Variants in SCAF1 observed in about 807,000 individuals in gnomAD.
The protein encoded by SCAF1 is splicing factor, arginine/serine-rich 19.
In SCAF1, 28 loss-of-function variants were observed where a neutral mutation model predicts 91.2. The ratio of observed to expected loss-of-function variants is 0.31; its 90% CI spans 0.23 to 0.42. SCAF1 has a LOEUF of 0.42. SCAF1 is among the 10% of genes least tolerant of loss of function. The probability of loss-of-function intolerance (pLI) is 1.00; values close to 1 mark genes in which losing one functional copy is unlikely to be tolerated. For synonymous variants in SCAF1, 1,036 were observed against 833.7 expected (o/e 1.24, Z -4.18); for missense variants, 1,893 against 1,872.1 (o/e 1.01, Z -0.21).
In SCAF1 at chr19:49,654,805, C is replaced by T. The variant is rs1412527495; in HGVS notation, c.3553C>T (p.Leu1185=). Residue 1185 remains leucine (L), a synonymous_variant, in exon 9 of 11, where the codon CTG becomes TTG. Coordinates refer to ENST00000360565, the MANE Select transcript of SCAF1 (RefSeq NM_021228.3). ...CGSTPPTPTG[L]AATSDKREGS... is the part of the protein sequence containing the mutation. The stretch of plus-strand genomic sequence containing the variant: ...TTCGACCCCCCCCACCCCCACCGGG[C>T]TGGCTGCCACGTCTGACAAGAGAGA... 3.1e-6 allele frequency: 5 copies of T among 1,612,596 alleles called. No homozygotes were observed. The highest frequency in any genetic ancestry group is 3.4e-6 in the Non-Finnish European group (4 of 1,179,392).
At position 49,658,321 on chromosome 19, in the gene SCAF1, C is replaced by A; in HGVS notation, c.3861C>A (p.Pro1287=). 1.3e-6 allele frequency: 2 copies of A among 1,600,000 alleles called. No homozygotes were observed. Among genetic ancestry groups the A allele is most frequent in the South Asian group, 2.2e-5 (2 of 89,724 alleles). ...AGCACGGTCGCAAGCCAGGGGACCC[C>A]CCAGGGCCCCCACGGCCGCCCAAGG... ...FRKHGRKPGD[P]PGPPRPPKEP... is the part of the protein sequence containing the mutation. The change falls in exon 11 of 11, where the codon CCC becomes CCA. Residue 1287 remains proline, a synonymous_variant. Coordinates refer to ENST00000360565, the MANE Select transcript of SCAF1 (RefSeq NM_021228.3).
rs2081055558 is a variant in SCAF1 at position 49,646,455 on chromosome 19, G to A, written c.262-71G>A. 1 of 1,339,592 alleles carries A rather than the reference G, an allele frequency of 7.5e-7. No homozygotes were observed. The highest frequency in any genetic ancestry group is 1.1e-6 in the Non-Finnish European group (1 of 934,094). The allele number at this position is 1,339,592 out of a possible 1,614,324, so 83.0% of individuals were successfully genotyped here. A position where few individuals can be genotyped will look rare whatever the true frequency, so the allele number is the denominator to read the frequency against. On this transcript the variant is annotated intron_variant, in intron 4 of 10. Coordinates refer to ENST00000360565, the MANE Select transcript of SCAF1 (RefSeq NM_021228.3). This position sits in a 1 kb window ranked among gnomAD's most constrained non-coding sequence, Gnocchi z 5.6. ...ATGTCTGGGTTCCTGAGAGGTTAGG[G>A]AGTGGGGAAGCAGGATTTGCCAGTC... is the stretch of plus-strand genomic sequence containing the variant.
intron 9 of SCAF1, among the ~76,000 whole-genome samples, chr19:49,655,131 G>A (rs2122517203): frequency 6.6e-6 from 1 of 152,338 alleles, no homozygotes; most frequent in African/African-American, 2.4e-5. Context: ...CACCCTGGAA[G>A]AGATGCCCCG....
At chr19:49,641,967 C>A (rs993320797), upstream of SCAF1, among the ~76,000 whole-genome samples, 1 of 152,262 alleles carries the variant, frequency 6.6e-6, no homozygotes, top group Non-Finnish European at 1.5e-5. Flanking sequence ...CCCACTTCAC[C>A]TCTCACCCCA....
Position 49,645,235 on chromosome 19 carries a change from G to C in SCAF1, c.108+101G>C, listed in dbSNP as rs1192326613. ...CTGAGGCAGGGGCGCTGGACTCTTG[G>C]CTCCCTTGAAGCACTTGAGTCTAGC... On this transcript the variant is annotated intron_variant, in intron 2 of 10. Coordinates refer to ENST00000360565, the MANE Select transcript of SCAF1 (RefSeq NM_021228.3). This position sits in a 1 kb window ranked among gnomAD's most constrained non-coding sequence, Gnocchi z 4.6. The C allele has an allele frequency of 2.0e-6, 3 of 1,493,340 alleles. No individual in the cohort carries two copies. In the African/African-American group the frequency reaches 4.2e-5, roughly 21 times the overall value. The allele number at this position is 1,493,340 out of a possible 1,614,324, so 92.5% of individuals were successfully genotyped here.
chr19:49,654,894 G>T, intron 9 of SCAF1, 24 bp downstream of exon 9: 4 of 1,518,840 alleles, frequency 2.6e-6, no homozygotes, highest in South Asian at 1.2e-5. Context: ...GGGAGAGGTG[G>T]GGCGGTGCTG....
rs913271670 is a variant in SCAF1, at chr19:49,642,474, C to T, written c.-7+232C>T. On this transcript the variant is annotated intron_variant, in intron 1 of 10. Transcript: ENST00000360565. The surrounding 1 kb of genome is among the most constrained non-coding windows in gnomAD (Gnocchi z 4.0). ...CCTGGGGGCGTCTATGGGGCGTCTCCGAGAGGACTTGGGGCGTCTCTGGGC... is the reference window on the plus strand; with the variant it reads ...CCTGGGGGCGTCTATGGGGCGTCTCTGAGAGGACTTGGGGCGTCTCTGGGC... Among the ~76,000 whole-genome samples, 2 of 152,110 alleles carry T rather than the reference C, an allele frequency of 1.3e-5. No homozygotes were observed. The highest frequency in any genetic ancestry group is 2.4e-5 in the African/African-American group (1 of 41,426).
Position 49,651,284 on chromosome 19 carries a change from G to A in SCAF1, c.895G>A (p.Glu299Lys). The A allele has an allele frequency of 2.5e-6, 4 of 1,611,748 alleles. No homozygotes were observed. Among genetic ancestry groups the A allele is most frequent in the Non-Finnish European group, 3.4e-6 (4 of 1,179,836 alleles). ...GTCCCAGAGCATCAGCCGCATCTCG[G>A]AGACCCTGGCGGGCATCTACGATGA... is the stretch of plus-strand genomic sequence containing the variant. ...GLSQSISRIS[E>K]TLAGIYDDNS... The change falls in exon 7 of 11, where the codon GAG (glutamate) becomes AAG (lysine). Residue 299 changes from glutamate to lysine, a missense_variant. Glu to Lys is a moderately conservative substitution (Grantham distance 56, BLOSUM62 1). Transcript: ENST00000360565.
At chr19:49,644,739 T>G in intron 1 of SCAF1, 3 of 281,984 alleles carry the variant, frequency 1.1e-5, no homozygotes, top group South Asian at 6.5e-5. Context: ...AATTGAGGAG[T>G]GAGATGTTAA....
Position 49,652,164 on chromosome 19 carries a change from G to A in SCAF1, c.1775G>A (p.Arg592His), listed in dbSNP as rs1599827284. 7 of 1,122,542 alleles carry A rather than the reference G, an allele frequency of 6.2e-6. No individual in the cohort carries two copies. The highest frequency in any genetic ancestry group is 5.3e-5 in the Admixed American group (1 of 18,852). The allele number at this position is 1,122,542 out of a possible 1,614,324, so 69.5% of individuals were successfully genotyped here. A position where few individuals can be genotyped will look rare whatever the true frequency, so the allele number is the denominator to read the frequency against. The change falls in exon 7 of 11, where the codon CGC (arginine) becomes CAC (histidine). Residue 592 changes from arginine (R) to histidine (H), a missense_variant. Around this residue, in one of 5 missense-constraint regions of SCAF1, gnomAD observed 1,436 missense variants for 1,306.8 expected, o/e 1.10. Coordinates refer to ENST00000360565, the MANE Select transcript of SCAF1 (RefSeq NM_021228.3). ...STRRRSRSTDRRRGGSRRSRS... is the reference protein window; with the variant it reads ...STRRRSRSTDHRRGGSRRSRS... ...CGCCGCCGCTCGCGCAGCACCGACC[G>A]CCGCCGCGGGGGCAGCCGCAGGTCG...
chr19:49,641,641 G>A (rs1292651213), upstream of SCAF1, among the ~76,000 whole-genome samples: 1 of 152,126 alleles, frequency 6.6e-6, no homozygotes, highest in African/African-American at 2.4e-5. Flanking sequence ...TAGAGGCGGG[G>A]TCTCCCTATA....
In SCAF1 at chr19:49,652,963, C is replaced by T; in HGVS notation, c.2574C>T (p.Gly858=). ...CGGCCAAGGATGCCGCGTCAGCCGG[C>T]CTGGGCTCCATTGGCGTCAAATTCA... ...TTPAKDAASA[G]LGSIGVKFSR... is the part of the protein sequence containing the mutation. The change falls in exon 7 of 11, where the codon GGC becomes GGT. Residue 858 remains glycine (G), a synonymous_variant. Coordinates refer to ENST00000360565, the MANE Select transcript of SCAF1 (RefSeq NM_021228.3). 1 of 1,613,946 alleles carries T rather than the reference C, an allele frequency of 6.2e-7. No individual in the cohort carries two copies. The highest frequency in any genetic ancestry group is 8.5e-7 in the Non-Finnish European group (1 of 1,180,014).
At position 49,653,892 on chromosome 19, in the gene SCAF1, G is replaced by A. The variant is rs573576209; in HGVS notation, c.3316+187G>A. ...CTGGGTGTACTGGGAGAGAGGGGCC[G>A]GTGAGAGCAGGTGGTGGCCAGCACA... On this transcript the variant is annotated intron_variant, in intron 7 of 10. Coordinates refer to ENST00000360565, the MANE Select transcript of SCAF1 (RefSeq NM_021228.3). 8.5e-5 allele frequency among the ~76,000 whole-genome samples: 13 copies of A among 152,292 alleles called. No individual in the cohort carries two copies. The South Asian group carries it at 2.3e-3, about 27-fold the overall frequency.
chr19:49,642,085 T>C (rs1185206875), upstream of SCAF1: 1 of 152,202 alleles, frequency 6.6e-6, no homozygotes, highest in Non-Finnish European at 1.5e-5. This position sits in a 1 kb window ranked among gnomAD's most constrained non-coding sequence, Gnocchi z 4.0. Flanking sequence ...CCGAGTGCGG[T>C]TGCCTTCCCG....
rs573437619 is a variant in SCAF1 at position 49,646,934 on chromosome 19, C to A, written c.478+104C>A. The stretch of plus-strand genomic sequence containing the variant: ...CGGTGATCATGTTATTTAGACAAAA[C>A]CTTTCCCTTCTCTTCGTATTAGACG... On this transcript the variant is annotated intron_variant, in intron 6 of 10. Coordinates refer to ENST00000360565, the MANE Select transcript of SCAF1 (RefSeq NM_021228.3). The surrounding 1 kb of genome is among the most constrained non-coding windows in gnomAD (Gnocchi z 5.6). 9.9e-6 allele frequency: 8 copies of A among 809,390 alleles called. No homozygotes were observed. In the African/African-American group the frequency reaches 1.2e-4, roughly 12 times the overall value. 50.1% of individuals were successfully genotyped at this position (809,390 alleles called of 1,614,324 possible). A position where few individuals can be genotyped will look rare whatever the true frequency, so the allele number is the denominator to read the frequency against.
At chr19:49,654,466 T>C (rs2081125709) in intron 8 of SCAF1, 35 bp downstream of exon 8, 4 of 1,593,478 alleles carry the variant, frequency 2.5e-6, no homozygotes, top group Middle Eastern at 3.3e-4. Context: ...CTGCCGCCCC[T>C]TCTTTTGTCC....
At chr19:49,650,080 G>T (rs1166396709) in intron 6 of SCAF1, among the ~76,000 whole-genome samples, 10 of 152,198 alleles carry the variant, frequency 6.6e-5, no homozygotes, top group African/African-American at 2.4e-4. Context: ...CTCTTTGGGG[G>T]CGAATGAGGT....
In SCAF1 at chr19:49,645,309, A is replaced by G. The variant is rs369365960; in HGVS notation, c.109-45A>G. On this transcript the variant is annotated intron_variant, in intron 2 of 10. Coordinates refer to ENST00000360565, the MANE Select transcript of SCAF1 (RefSeq NM_021228.3). The surrounding 1 kb of genome is among the most constrained non-coding windows in gnomAD (Gnocchi z 4.6). ...TCCCAAGGGGCAGAGGTTGCAAAGCATCTGCCTGGGTCCTCTGACGCTTGG... is the reference window on the plus strand; with the variant it reads ...TCCCAAGGGGCAGAGGTTGCAAAGCGTCTGCCTGGGTCCTCTGACGCTTGG... The G allele has an allele frequency of 5.6e-6, 9 of 1,604,782 alleles. No individual in the cohort carries two copies. Among genetic ancestry groups the G allele is most frequent in the Middle Eastern group, 1.7e-4 (1 of 6,048 alleles).
chr19:49,654,928 A>G (rs537297082), intron 9 of SCAF1, 58 bp downstream of exon 9: 9 of 1,337,438 alleles, frequency 6.7e-6, no homozygotes, highest in African/African-American at 2.9e-5. Context: ...GAATATGGAC[A>G]GGAACTGAGA....
Sources: gnomAD v4.1 joint callset for allele counts (sites outside exome capture counted in the v4.1 genomes callset) on GRCh38, gnomAD v4.1.1 for gene constraint, gnomAD v4.1.1 regional missense constraint, Gnocchi (gnomAD v3.1) non-coding constraint, MANE v1.5 for transcripts, NCBI Gene and HGNC (gene_info 2026-07-23, HGNC 2026-07-21) for gene names.